Variants in UBE2D2 observed in about 807,000 individuals in gnomAD.
The protein encoded by UBE2D2 is ubiquitin-conjugating enzyme E2 D2.
UBE2D2 carries 2 observed loss-of-function variants against 24.2 expected under a neutral mutation model. The ratio of observed to expected loss-of-function variants is 0.08; its 90% CI spans 0.03 to 0.26. The LOEUF (loss-of-function observed/expected upper bound fraction) is 0.26. Ranked by LOEUF, UBE2D2 falls within the 10% of genes least tolerant of loss-of-function variation. The probability of loss-of-function intolerance (pLI) is 1.00; values close to 1 mark genes in which losing one functional copy is unlikely to be tolerated. For synonymous variants in UBE2D2, 58 were observed against 56.5 expected (o/e 1.03, Z -0.12); for missense variants, 44 against 177.6 (o/e 0.25, Z 4.28).
chr5:139,532,923 A>G (rs917486618), intron 1 of UBE2D2, among the ~76,000 whole-genome samples: 4 of 152,020 alleles, frequency 2.6e-5, no homozygotes, highest in Admixed American at 6.5e-5. Flanking sequence ...CCTGGCCAAC[A>G]TGGCGAAACC....
chr5:139,617,370 A>ATT (rs1292231182), intron 5 of UBE2D2, among the ~76,000 whole-genome samples: 1,955 of 102,326 alleles, frequency 0.019, 45 homozygotes, highest in African/African-American at 0.028. Flanking sequence ...GTGGTGTGTG[A>ATT]TTTTTTTTTT....
At chr5:139,589,220 C>T (rs1355510736) in intron 1 of UBE2D2, among the ~76,000 whole-genome samples, 3 of 151,988 alleles carry the variant, frequency 2.0e-5, no homozygotes, top group Non-Finnish European at 4.4e-5. Context: ...GATCAGGCCA[C>T]TGCATTCCTG....
chr5:139,581,973 T>G (rs560576003), intron 1 of UBE2D2, among the ~76,000 whole-genome samples: 19 of 151,552 alleles, frequency 1.3e-4, no homozygotes, highest in Admixed American at 2.6e-4. Flanking sequence ...GCTGTTTTTT[T>G]GGGGTTTTTT....
intron 1 of UBE2D2, among the ~76,000 whole-genome samples, chr5:139,569,628 T>G (rs1361054534): frequency 6.6e-6 from 1 of 152,156 alleles, no homozygotes; most frequent in African/African-American, 2.4e-5. Flanking sequence ...AATAAAGTAG[T>G]GTTTGTTCTT....
chr5:139,561,499 G>A lies in UBE2D2; in HGVS notation c.-293G>A, dbSNP rs1753088103. 2.6e-6 allele frequency: 1 copy of A among 385,780 alleles called. No individual in the cohort carries two copies. The highest frequency in any genetic ancestry group is 4.6e-6 in the Non-Finnish European group (1 of 216,456). 23.9% of individuals were successfully genotyped at this position (385,780 alleles called of 1,614,324 possible). On this transcript the variant is annotated 5_prime_UTR_variant, in exon 1 of 7. Coordinates refer to ENST00000398733, the MANE Select transcript of UBE2D2 (RefSeq NM_003339.3). The stretch of plus-strand genomic sequence containing the variant: ...TGGCGGAGGGATCTGCGGCGGTTTA[G>A]GAGGCGGCGCTGATCCTGGGAGGAA...
Position 139,561,545 on chromosome 5 carries a change from G to A in UBE2D2, c.-247G>A, listed in dbSNP as rs1753092028. 4.8e-6 allele frequency: 2 copies of A among 417,340 alleles called. No individual in the cohort carries two copies. The highest frequency in any genetic ancestry group is 4.5e-5 in the Admixed American group (1 of 22,464). 25.9% of individuals were successfully genotyped at this position (417,340 alleles called of 1,614,324 possible). ...AGGAAGAGGCAGCTACGGCGGCGGCGGCGGTGGCGGCTAGGGCGGCGGCGA... is the reference window on the plus strand; with the variant it reads ...AGGAAGAGGCAGCTACGGCGGCGGCAGCGGTGGCGGCTAGGGCGGCGGCGA... On this transcript the variant is annotated 5_prime_UTR_variant, in exon 1 of 7. Coordinates refer to ENST00000398733, the MANE Select transcript of UBE2D2 (RefSeq NM_003339.3).
chr5:139,559,270 C>CA (rs1722016011), upstream of UBE2D2, among the ~76,000 whole-genome samples: 2 of 151,940 alleles, frequency 1.3e-5, no homozygotes, highest in South Asian at 4.2e-4. Context: ...ACTAAAAATA[C>CA]AAAAAAATTA....
chr5:139,549,520 C>T (rs1752878227), intron 1 of UBE2D2, among the ~76,000 whole-genome samples: 1 of 152,234 alleles, frequency 6.6e-6, no homozygotes, highest in African/African-American at 2.4e-5. Flanking sequence ...CTGGGTCCCC[C>T]AGCACTGCAG....
intron 1 of UBE2D2, among the ~76,000 whole-genome samples, chr5:139,527,969 C>G (rs1046283762): frequency 8.5e-5 from 13 of 152,364 alleles, no homozygotes; most frequent in African/African-American, 3.1e-4. Context: ...CAGGCGTGGA[C>G]TGCATGGTAG....
chr5:139,626,075 C>G (rs1283920510), intron 6 of UBE2D2, among the ~76,000 whole-genome samples: 3 of 151,702 alleles, frequency 2.0e-5, no homozygotes, highest in South Asian at 4.2e-4. Flanking sequence ...TTTTTTTTCC[C>G]CCTTTTTTTT....
intron 1 of UBE2D2, among the ~76,000 whole-genome samples, chr5:139,537,422 C>T (rs1365883900): frequency 6.6e-6 from 1 of 151,956 alleles, no homozygotes; most frequent in Non-Finnish European, 1.5e-5. Flanking sequence ...ACGATTCAAT[C>T]GATTTTAGTA....
At chr5:139,549,789 G>A (rs56006280) in intron 1 of UBE2D2, among the ~76,000 whole-genome samples, 7 of 152,358 alleles carry the variant, frequency 4.6e-5, no homozygotes, top group South Asian at 2.1e-4. Context: ...TCCACTAGGC[G>A]AAGCCAGCTG....
At chr5:139,621,861 G>A (rs182140963) in intron 5 of UBE2D2, among the ~76,000 whole-genome samples, 28 of 152,314 alleles carry the variant, frequency 1.8e-4, no homozygotes, top group African/African-American at 6.0e-4. Context: ...GGCCTGAAGC[G>A]ATCCTTCTGC....
intron 5 of UBE2D2, among the ~76,000 whole-genome samples, chr5:139,618,269 T>C (rs1561521449): frequency 6.6e-6 from 1 of 152,184 alleles, no homozygotes; most frequent in Non-Finnish European, 1.5e-5. Flanking sequence ...CCACTGCTCC[T>C]GGCCACAAAT....
rs574727902 is a variant in UBE2D2, at chr5:139,543,598, G to A, written c.-64+16986G>A. ...CGGAGCCTCGGGCCGCCAGGGAGGG[G>A]CCTGGCTGCAGAGGCAGCTTTCTCA... On this transcript the variant is annotated intron_variant, in intron 1 of 6. Coordinates refer to the UBE2D2 transcript ENST00000511725. 2.6e-4 allele frequency among the ~76,000 whole-genome samples: 39 copies of A among 152,330 alleles called. No homozygotes were observed. In the East Asian group the frequency reaches 7.5e-3, roughly 29 times the overall value.
At chr5:139,532,293 C>T (rs1752607257) in intron 1 of UBE2D2, among the ~76,000 whole-genome samples, 2 of 150,988 alleles carry the variant, frequency 1.3e-5, no homozygotes, top group South Asian at 4.2e-4. Flanking sequence ...ATTCTACTGC[C>T]TCAGCCTCCC....
intron 2 of UBE2D2, among the ~76,000 whole-genome samples, chr5:139,608,966 A>T (rs1483948250): frequency 1.3e-5 from 2 of 152,056 alleles, no homozygotes; most frequent in Non-Finnish European, 2.9e-5. Context: ...ACACACCTGT[A>T]ATCCCAGCTA....
At chr5:139,601,262 A>G (rs1362053661) in intron 2 of UBE2D2, among the ~76,000 whole-genome samples, 2 of 152,174 alleles carry the variant, frequency 1.3e-5, no homozygotes, top group African/African-American at 4.8e-5. Flanking sequence ...TAAAGAGGGG[A>G]TATTTGAATG....
At chr5:139,534,216 T>G (rs533010619) in intron 1 of UBE2D2, among the ~76,000 whole-genome samples, 21 of 151,636 alleles carry the variant, frequency 1.4e-4, no homozygotes, top group South Asian at 6.2e-4. Flanking sequence ...GCAGATCACC[T>G]GAGGTCAGGA....
Sources: allele counts gnomAD v4.1 joint callset (sites outside exome capture counted in the v4.1 genomes callset), GRCh38; gene constraint gnomAD v4.1.1; transcripts MANE v1.5; gene names NCBI Gene and HGNC (gene_info 2026-07-23, HGNC 2026-07-21).